The following DAW1 variants were observed in gnomAD, a reference collection of about 807,000 sequenced individuals.
DAW1 encodes dynein assembly factor with WD repeat domains 1.
In DAW1, 47 loss-of-function variants were observed where a neutral mutation model predicts 56.5. That is an observed-to-expected ratio of 0.83 (90% CI 0.66 to 1.06). DAW1 has a LOEUF of 1.06. Among genes scored for constraint, DAW1 ranks in the 50% least tolerant of loss-of-function variants. The pLI is 0.00. For missense variants in DAW1, 505 were observed against 499.3 expected (o/e 1.01, Z -0.11); for synonymous variants, 190 against 179.0 (o/e 1.06, Z -0.49).
rs960371067 is a variant in DAW1 at position 227,893,357 on chromosome 2, A to G, written c.318-438A>G. Among the ~76,000 whole-genome samples, 9 of 151,764 alleles carry G rather than the reference A, an allele frequency of 5.9e-5. No individual in the cohort carries two copies. In the South Asian group the frequency reaches 1.5e-3, roughly 25 times the overall value. ...CAATTTAACTTTTTGTTCTGCACAC[A>G]TGATTTCCATTGTAAAAAGCATAAT... On this transcript the variant is annotated intron_variant, in intron 4 of 12. Coordinates refer to ENST00000309931, the MANE Select transcript of DAW1 (RefSeq NM_178821.3).
chr2:227,905,677 T>G (rs763038797), intron 8 of DAW1, among the ~76,000 whole-genome samples: 1 of 152,244 alleles, frequency 6.6e-6, no homozygotes, highest in Non-Finnish European at 1.5e-5. Context: ...ACCCATGTCT[T>G]TTTGAAATGT....
chr2:227,917,627 T>C (rs1691994172), intron 10 of DAW1, among the ~76,000 whole-genome samples: 1 of 152,302 alleles, frequency 6.6e-6, no homozygotes. Context: ...CCATATTATT[T>C]CTGAGTTTTC....
intron 1 of DAW1, 142 bp from the exon 2 acceptor site, chr2:227,885,209 G>A (rs141836515): frequency 1.9e-6 from 1 of 516,804 alleles, no homozygotes; most frequent in African/African-American, 2.0e-5. Flanking sequence ...TCTTGTTTTG[G>A]AACTAGATAT....
chr2:227,876,532 A>C (rs1195979486), intron 1 of DAW1: 1 of 1,293,188 alleles, frequency 7.7e-7, no homozygotes, highest in South Asian at 1.2e-5. Flanking sequence ...GATAGGAAAA[A>C]TTATTCCACT....
chr2:227,893,024 C>T (rs1691308819), intron 4 of DAW1, among the ~76,000 whole-genome samples: 1 of 151,926 alleles, frequency 6.6e-6, no homozygotes, highest in Non-Finnish European at 1.5e-5. Flanking sequence ...AATCCCAGCA[C>T]TTTGGGAGGC....
At chr2:227,908,908 A>G (rs1038621665) in intron 10 of DAW1, among the ~76,000 whole-genome samples, 1 of 152,202 alleles carries the variant, frequency 6.6e-6, no homozygotes, top group Non-Finnish European at 1.5e-5. Context: ...ATGCTAAACT[A>G]CATCGATACC....
chr2:227,890,641 T>G (rs1468870520), intron 3 of DAW1, among the ~76,000 whole-genome samples: 1 of 152,240 alleles, frequency 6.6e-6, no homozygotes, highest in African/African-American at 2.4e-5. Context: ...AGGCATTCGT[T>G]TCTGGAAGAG....
chr2:227,888,442 G>A (rs906178580), intron 2 of DAW1, among the ~76,000 whole-genome samples: 4 of 152,186 alleles, frequency 2.6e-5, no homozygotes, highest in African/African-American at 9.7e-5. Flanking sequence ...GAAGAAGGCG[G>A]GACAACAGAA....
intron 1 of DAW1, among the ~76,000 whole-genome samples, chr2:227,881,649 A>G (rs769686038): frequency 1.3e-5 from 2 of 151,620 alleles, no homozygotes; most frequent in Non-Finnish European, 2.9e-5. Context: ...ATAGGTTCAT[A>G]GATGAGAAAA....
intron 11 of DAW1, among the ~76,000 whole-genome samples, chr2:227,920,307 T>C (rs1214818067): frequency 6.6e-6 from 1 of 152,046 alleles, no homozygotes. Flanking sequence ...TTTTAGAGAG[T>C]GTCCACTGTG....
chr2:227,894,370 C>T (rs556918774), intron 5 of DAW1, among the ~76,000 whole-genome samples: 1 of 152,034 alleles, frequency 6.6e-6, no homozygotes, highest in East Asian at 1.9e-4. Context: ...GAGCCCAGAT[C>T]GCACCATTGC....
intron 10 of DAW1, among the ~76,000 whole-genome samples, chr2:227,909,270 A>ATCTATCTATCTATCTGTCTG (rs1553603365): frequency 3.3e-4 from 48 of 144,458 alleles, no homozygotes; most frequent in Admixed American, 6.3e-4. Context: ...CTATCTATCT[A>ATCTATCTATCTATCTGTCTG]TCTGTCTGTC....
At position 227,907,695 on chromosome 2, in the gene DAW1, G is replaced by A. The variant is rs191111048; in HGVS notation, c.973+443G>A. Among the ~76,000 whole-genome samples the A allele has an allele frequency of 2.4e-4, 36 of 152,180 alleles. 1 individual carries two copies. In the East Asian group the frequency reaches 6.8e-3, roughly 29 times the overall value. On this transcript the variant is annotated intron_variant, in intron 10 of 12. Transcript: ENST00000309931. ...CCCGAGTAGCTGGGAATACAGGCAT[G>A]CACCACCATGCCTGGCTAATTTTTG...
chr2:227,871,724 C>T lies in DAW1; in HGVS notation c.35C>T (p.Pro12Leu), dbSNP rs769993399. ...AAGAGCCTCCTGCTCCGGTATTACC[C>T]GCCAGGTACGCACCAGCCCGGCCCC... is the stretch of plus-strand genomic sequence containing the variant. The part of the protein sequence containing the change: ...KLKSLLLRYY[P>L]PGIMLEYEKH... Residue 12 changes from proline to leucine, a missense_variant, in exon 1 of 13, where the codon CCG becomes CTG. Physicochemically the swap from Pro to Leu is moderately conservative, Grantham distance 98. Transcript: ENST00000309931. 7.4e-6 allele frequency: 12 copies of T among 1,613,828 alleles called. No individual in the cohort carries two copies. In the South Asian group the frequency reaches 1.2e-4, roughly 16 times the overall value.
At chr2:227,910,795 C>T (rs1178761167) in intron 10 of DAW1, among the ~76,000 whole-genome samples, 5 of 151,956 alleles carry the variant, frequency 3.3e-5, no homozygotes, top group Admixed American at 3.3e-4. Flanking sequence ...GCATCATTTC[C>T]CTGACTACTA....
intron 1 of DAW1, among the ~76,000 whole-genome samples, chr2:227,876,997 A>C (rs1690898784): frequency 6.6e-6 from 1 of 152,232 alleles, no homozygotes; most frequent in Admixed American, 6.5e-5. Flanking sequence ...AAAGAATACT[A>C]ATATCATTTG....
At chr2:227,907,029 CAGTT>C in intron 9 of DAW1, 105 bp from the exon 10 acceptor site, 1 of 674,044 alleles carries the variant, frequency 1.5e-6, no homozygotes, top group Non-Finnish European at 2.4e-6. Flanking sequence ...GATTTTTGCA[CAGTT>C]ATTTAACCAG....
chr2:227,922,546 C>T (rs944255366), intron 12 of DAW1, among the ~76,000 whole-genome samples: 3 of 152,124 alleles, frequency 2.0e-5, no homozygotes, highest in Non-Finnish European at 4.4e-5. Flanking sequence ...ACCAGTGATT[C>T]TCATCATGTT....
At chr2:227,889,803 A>G (rs1691217010) in intron 2 of DAW1, 53 bp from the exon 3 acceptor site, 3 of 1,460,038 alleles carry the variant, frequency 2.1e-6, no homozygotes, top group African/African-American at 1.5e-5. Context: ...TAATATAGGT[A>G]TATGCAAATT....
Sources: allele counts gnomAD v4.1 joint callset (sites outside exome capture counted in the v4.1 genomes callset), GRCh38; gene constraint gnomAD v4.1.1; transcripts MANE v1.5; gene names NCBI Gene and HGNC (gene_info 2026-07-23, HGNC 2026-07-21).